The following KCNAB1 variants were observed in gnomAD, a reference collection of about 807,000 sequenced individuals.
KCNAB1 encodes the protein potassium voltage-gated channel subfamily A regulatory beta subunit 1.
KCNAB1 carries 35 observed loss-of-function variants against 64.6 expected under a neutral mutation model. The observed-to-expected ratio is 0.54, with a 90% CI of 0.41 to 0.72. The LOEUF (loss-of-function observed/expected upper bound fraction) is 0.72. Among genes scored for constraint, KCNAB1 ranks in the 30% least tolerant of loss-of-function variants. The pLI is 0.00. For missense variants in KCNAB1, 401 were observed against 512.9 expected, an observed-to-expected ratio of 0.78 and a Z score of 2.11; for synonymous variants, 177 against 183.8, an observed-to-expected ratio of 0.96 and a Z score of 0.30.
At chr3:156,339,051 AG>A (rs1424831604) in intron 1 of KCNAB1, among the ~76,000 whole-genome samples, 3 of 152,160 alleles carry the variant, frequency 2.0e-5, no homozygotes, top group African/African-American at 7.2e-5. Flanking sequence ...AGGGTTGAGT[AG>A]GCAGCTCAGA....
intron 1 of KCNAB1, among the ~76,000 whole-genome samples, chr3:156,300,583 C>T (rs1025667642): frequency 5.3e-5 from 8 of 152,026 alleles, no homozygotes; most frequent in African/African-American, 1.4e-4. Flanking sequence ...TATGTCCTTT[C>T]GTCTGCATGC....
At chr3:156,213,215 CTT>C (rs5853744) in intron 1 of KCNAB1, among the ~76,000 whole-genome samples, 2 of 142,856 alleles carry the variant, frequency 1.4e-5, no homozygotes. Flanking sequence ...GTCTCTTTCA[CTT>C]TTTTTTTTTT....
At chr3:156,299,984 A>G (rs1482071009) in intron 1 of KCNAB1, among the ~76,000 whole-genome samples, 5 of 152,164 alleles carry the variant, frequency 3.3e-5, no homozygotes, top group Non-Finnish European at 1.5e-5. Flanking sequence ...ATTGTTGTCT[A>G]TTGCCTGGAC....
chr3:156,186,141 G>C (rs1409745965), intron 1 of KCNAB1, among the ~76,000 whole-genome samples: 1 of 152,142 alleles, frequency 6.6e-6, no homozygotes, highest in Non-Finnish European at 1.5e-5. Flanking sequence ...CAATTCAAAC[G>C]GATGGTCCTT....
intron 1 of KCNAB1, among the ~76,000 whole-genome samples, chr3:156,354,497 C>T (rs775098427): frequency 5.3e-5 from 8 of 151,860 alleles, no homozygotes; most frequent in African/African-American, 1.2e-4. Flanking sequence ...CTCAAATCAC[C>T]GGGCCCGAAC....
At chr3:156,204,673 A>T (rs1714545172) in intron 1 of KCNAB1, among the ~76,000 whole-genome samples, 1 of 152,166 alleles carries the variant, frequency 6.6e-6, no homozygotes, top group Non-Finnish European at 1.5e-5. Flanking sequence ...TCTACTAAAA[A>T]TAACAAAACA....
intron 1 of KCNAB1, among the ~76,000 whole-genome samples, chr3:156,401,791 C>A (rs1344571004): frequency 2.0e-5 from 3 of 152,066 alleles, no homozygotes; most frequent in Non-Finnish European, 2.9e-5. Flanking sequence ...ATATGTTCTT[C>A]TCTACATTTG....
At chr3:156,528,282 G>A (rs1024735787) in intron 12 of KCNAB1, among the ~76,000 whole-genome samples, 3 of 152,136 alleles carry the variant, frequency 2.0e-5, no homozygotes, top group South Asian at 2.1e-4. Context: ...GCCTGGACAC[G>A]GTAACAGCTT....
rs563487329 is a variant in KCNAB1, at chr3:156,224,385, C to T, written c.275+103499C>T. Reference sequence around the variant, plus strand: ...GAAAGAGGCTCCCACAGTGCAGCGGCGGGCTGAAGGGCTCTTCAAGCACGG... The same window carrying T: ...GAAAGAGGCTCCCACAGTGCAGCGGTGGGCTGAAGGGCTCTTCAAGCACGG... On this transcript the variant is annotated intron_variant, in intron 1 of 13. Coordinates refer to ENST00000490337, the MANE Select transcript of KCNAB1 (RefSeq NM_172160.3). 6.0e-4 allele frequency among the ~76,000 whole-genome samples: 91 copies of T among 152,378 alleles called. 1 individual carries two copies. Among genetic ancestry groups the T allele is most frequent in the South Asian group, 4.1e-4 (2 of 4,830 alleles).
chr3:156,513,108 A>G (rs1717322994), intron 8 of KCNAB1, among the ~76,000 whole-genome samples: 1 of 152,008 alleles, frequency 6.6e-6, no homozygotes, highest in Non-Finnish European at 1.5e-5. Flanking sequence ...GCTACTCGGG[A>G]GGCTGAGGCA....
chr3:156,176,576 G>A (rs1234629516), intron 1 of KCNAB1: 4 of 832,642 alleles, frequency 4.8e-6, no homozygotes, highest in Non-Finnish European at 8.6e-6. Flanking sequence ...TTCCATCACT[G>A]CTCCACTGTG....
intron 12 of KCNAB1, 85 bp from the exon 13 acceptor site, chr3:156,531,324 C>T (rs1043780623): frequency 2.6e-5 from 27 of 1,040,470 alleles, no homozygotes; most frequent in South Asian, 1.1e-4. Context: ...ATTTTGGCTG[C>T]AACAAACAGC....
At chr3:156,322,060 A>G (rs536678080) in intron 1 of KCNAB1, among the ~76,000 whole-genome samples, 15 of 152,302 alleles carry the variant, frequency 9.8e-5, no homozygotes, top group African/African-American at 3.6e-4. Flanking sequence ...AGGGACACAA[A>G]CAAGTGCATA....
chr3:156,505,514 T>A (rs767299795), intron 8 of KCNAB1, among the ~76,000 whole-genome samples: 5 of 152,204 alleles, frequency 3.3e-5, no homozygotes, highest in African/African-American at 4.8e-5. Context: ...TTAACAGTAT[T>A]AACTCTTCCA....
At chr3:156,273,772 A>G in intron 1 of KCNAB1, 1 of 410,898 alleles carries the variant, frequency 2.4e-6, no homozygotes, top group South Asian at 1.8e-5. Flanking sequence ...GAGGATGATC[A>G]ATGGAGGCTT....
At chr3:156,315,312 AGGC>A (rs2108014694) in intron 1 of KCNAB1, among the ~76,000 whole-genome samples, 1 of 152,036 alleles carries the variant, frequency 6.6e-6, no homozygotes, top group East Asian at 1.9e-4. Flanking sequence ...ACTGGGGTAT[AGGC>A]TATAGTACAC....
intron 1 of KCNAB1, among the ~76,000 whole-genome samples, chr3:156,308,268 G>T (rs1309395299): frequency 6.6e-6 from 1 of 152,292 alleles, no homozygotes; most frequent in Non-Finnish European, 1.5e-5. Flanking sequence ...AGAACATTAA[G>T]GTTAGAATGG....
chr3:156,514,323 T>A, intron 8 of KCNAB1, 41 bp from the exon 9 acceptor site: 1 of 1,506,236 alleles, frequency 6.6e-7, no homozygotes, highest in Non-Finnish European at 9.2e-7. Flanking sequence ...CTTTGAAAAG[T>A]AGACAAATTC....
rs182815821 is a variant in KCNAB1, at chr3:156,513,155, G to A, written c.659-1209G>A. On this transcript the variant is annotated intron_variant, in intron 8 of 13. Transcript: ENST00000490337. ...TGAACCCGGGAGGCGGAGCCTGCAG[G>A]GAGCCGAGATCTTGCCACTGCACTC... Among the ~76,000 whole-genome samples, 663 of 152,044 alleles carry A rather than the reference G, an allele frequency of 4.4e-3. 1 individual carries two copies. The highest frequency in any genetic ancestry group is 0.015 in the African/African-American group (618 of 41,486).
Sources: gnomAD v4.1 joint callset for allele counts (sites outside exome capture counted in the v4.1 genomes callset) on GRCh38, gnomAD v4.1.1 for gene constraint, MANE v1.5 for transcripts, NCBI Gene and HGNC (gene_info 2026-07-23, HGNC 2026-07-21) for gene names.